PCSK5: variants seen among roughly 807,000 people sequenced by gnomAD.
PCSK5 encodes the protein proprotein convertase subtilisin/kexin type 5.
A neutral mutation model predicts 233.2 loss-of-function variants in PCSK5; 129 were observed. The observed-to-expected ratio is 0.55, with a 90% CI of 0.48 to 0.64. The LOEUF (loss-of-function observed/expected upper bound fraction) is 0.64, where lower values mean the gene tolerates loss of function less well. Among genes scored for constraint, PCSK5 ranks in the 30% least tolerant of loss-of-function variants. PCSK5 has a pLI of 0.00. For missense variants in PCSK5, 2,076 were observed against 2,430.1 expected, an observed-to-expected ratio of 0.85 and a Z score of 3.06; for synonymous variants, 825 against 879.2, an observed-to-expected ratio of 0.94 and a Z score of 1.09.
intron 24 of PCSK5, chr9:76,288,197 CAG>C (rs1828148157): frequency 6.6e-6 from 1 of 152,200 alleles, no homozygotes; most frequent in African/African-American, 2.4e-5. Flanking sequence ...ATTGCTTTGA[CAG>C]TATGTGATTC....
chr9:76,324,125 C>A (rs1310602721), intron 32 of PCSK5, among the ~76,000 whole-genome samples: 2 of 151,788 alleles, frequency 1.3e-5, no homozygotes, highest in African/African-American at 4.8e-5. Context: ...GGGGTTTCAC[C>A]ATGTTGACCA....
chr9:76,297,789 T>C (rs1587846612), intron 27 of PCSK5, among the ~76,000 whole-genome samples: 1 of 151,604 alleles, frequency 6.6e-6, no homozygotes, highest in Non-Finnish European at 1.5e-5. Flanking sequence ...ACAGGAGGAG[T>C]GTGCTAAGGG....
At position 76,308,678 on chromosome 9, in the gene PCSK5, C is replaced by T; in HGVS notation, c.3638C>T (p.Ser1213Phe). Residue 1213 changes from serine to phenylalanine, a missense_variant, in exon 29 of 38, where the codon TCT becomes TTT. Physicochemically the swap from Ser to Phe is radical, Grantham distance 155. Around this residue, in one of 6 missense-constraint regions of PCSK5, gnomAD observed 1,510 missense variants for 1,538.1 expected, o/e 0.98. Transcript: ENST00000674117. ...ILRKLQPCHS[S>F]CKTCNGSATL... Reference sequence around the variant, plus strand: ...AGAAAACTCCAGCCTTGTCATTCTTCTTGTAAAACCTGCAATGGATCTGCA... The same window carrying T: ...AGAAAACTCCAGCCTTGTCATTCTTTTTGTAAAACCTGCAATGGATCTGCA... The T allele has an allele frequency of 6.2e-7, 1 of 1,610,088 alleles. No homozygotes were observed. Among genetic ancestry groups the T allele is most frequent in the Non-Finnish European group, 8.5e-7 (1 of 1,177,410 alleles).
chr9:76,231,083 A>T (rs2131315595), intron 21 of PCSK5, among the ~76,000 whole-genome samples: 1 of 152,230 alleles, frequency 6.6e-6, no homozygotes, highest in South Asian at 2.1e-4. Context: ...ATTTATAAAG[A>T]AAAGAGGTTT....
intron 2 of PCSK5, among the ~76,000 whole-genome samples, chr9:75,950,144 TG>T (rs1313764808): frequency 3.6e-4 from 1 of 2,750 alleles, no homozygotes; most frequent in Non-Finnish European, 7.2e-4. Context: ...TGTGTGTGTG[TG>T]GGGGGGGCGG....
chr9:76,264,670 G>A (rs891485217), intron 24 of PCSK5, among the ~76,000 whole-genome samples: 7 of 152,002 alleles, frequency 4.6e-5, no homozygotes, highest in African/African-American at 1.4e-4. Flanking sequence ...TATCCACATC[G>A]CTAACATCAG....
chr9:76,253,168 T>C (rs1826867207), intron 24 of PCSK5, among the ~76,000 whole-genome samples: 1 of 152,042 alleles, frequency 6.6e-6, no homozygotes, highest in Non-Finnish European at 1.5e-5. Flanking sequence ...CCAACCTTAG[T>C]GCATGACCCA....
At chr9:76,176,804 T>G (rs1358145332) in intron 14 of PCSK5, among the ~76,000 whole-genome samples, 1 of 152,200 alleles carries the variant, frequency 6.6e-6, no homozygotes. Flanking sequence ...TCTCATTAAT[T>G]TATATAGTTT....
rs576210399 is a variant in PCSK5 at position 76,209,601 on chromosome 9, C to T, written c.2627-17902C>T. ...GTGTCACTGCTTTTCGCATCCCTAA[C>T]GTCCAATAGTCAACTTATTTATTTA... On this transcript the variant is annotated intron_variant, in intron 20 of 37. Transcript: ENST00000674117. 1.5e-4 allele frequency: 75 copies of T among 507,016 alleles called. 1 individual carries two copies. The highest frequency in any genetic ancestry group is 8.8e-4 in the South Asian group (61 of 69,222). The allele number at this position is 507,016 out of a possible 1,614,324, so 31.4% of individuals were successfully genotyped here. A position where few individuals can be genotyped will look rare whatever the true frequency, so the allele number is the denominator to read the frequency against.
At chr9:76,053,600 CCA>C (rs770238685) in intron 5 of PCSK5, among the ~76,000 whole-genome samples, 11 of 152,150 alleles carry the variant, frequency 7.2e-5, no homozygotes, top group Non-Finnish European at 1.5e-4. Flanking sequence ...GATGAAAATA[CCA>C]CAGTCTCTTT....
rs1310616255 is a variant in PCSK5, at chr9:76,359,990, G to C, written c.*1068G>C. 12 of 152,206 alleles carry C rather than the reference G, an allele frequency of 7.9e-5. No individual in the cohort carries two copies. The highest frequency in any genetic ancestry group is 1.2e-4 in the African/African-American group (5 of 41,546). 9.4% of individuals were successfully genotyped at this position (152,206 alleles called of 1,614,324 possible). On this transcript the variant is annotated 3_prime_UTR_variant, in exon 38 of 38. Transcript: ENST00000674117. ...TGATTTTTGTTTCTAGACTTCCTAGGCTTCCTTTTTTCCATTCTTCTGTCA... is the reference window on the plus strand; with the variant it reads ...TGATTTTTGTTTCTAGACTTCCTAGCCTTCCTTTTTTCCATTCTTCTGTCA...
At chr9:76,072,159 T>C (rs778267891) in intron 7 of PCSK5, among the ~76,000 whole-genome samples, 2 of 152,230 alleles carry the variant, frequency 1.3e-5, no homozygotes, top group Non-Finnish European at 2.9e-5. Flanking sequence ...AGAAAATATA[T>C]TAATACGTTA....
chr9:75,896,312 A>G (rs1469164169), intron 1 of PCSK5, among the ~76,000 whole-genome samples: 2 of 152,166 alleles, frequency 1.3e-5, no homozygotes, highest in African/African-American at 4.8e-5. Context: ...ATTTGAAGTG[A>G]AAAACTGCAT....
At chr9:75,949,011 A>C (rs1157648417) in intron 2 of PCSK5, among the ~76,000 whole-genome samples, 1 of 151,388 alleles carries the variant, frequency 6.6e-6, no homozygotes, top group Non-Finnish European at 1.5e-5. Context: ...AAACAAAACC[A>C]AAAAACTACT....
At chr9:76,031,915 C>T (rs773069827) in intron 5 of PCSK5, among the ~76,000 whole-genome samples, 17 of 151,936 alleles carry the variant, frequency 1.1e-4, no homozygotes, top group Non-Finnish European at 2.1e-4. Context: ...GGTTTATTTC[C>T]GGAGTTAGAA....
intron 2 of PCSK5, among the ~76,000 whole-genome samples, chr9:75,939,369 A>T (rs960721386): frequency 2.6e-5 from 4 of 152,134 alleles, no homozygotes; most frequent in African/African-American, 9.7e-5. Context: ...TTTCTTTTTG[A>T]CTTGACAACA....
chr9:76,046,155 C>CTTTTTT (rs1829362984), intron 5 of PCSK5, among the ~76,000 whole-genome samples: 12 of 55,708 alleles, frequency 2.2e-4, no homozygotes, highest in South Asian at 6.3e-4. Context: ...ATAATTTTTT[C>CTTTTTT]TTTTGTTTTT....
intron 20 of PCSK5, among the ~76,000 whole-genome samples, chr9:76,219,544 CCTCT>C (rs1209769222): frequency 6.6e-6 from 1 of 152,122 alleles, no homozygotes; most frequent in Non-Finnish European, 1.5e-5. Flanking sequence ...TGCACTAGCA[CCTCT>C]ATGTAGTTCA....
chr9:76,256,409 A>T (rs1331464197), intron 24 of PCSK5, among the ~76,000 whole-genome samples: 4 of 152,232 alleles, frequency 2.6e-5, no homozygotes, highest in African/African-American at 9.6e-5. Context: ...AACCTCGTTA[A>T]ACAAAAGCGG....
Sources: gnomAD v4.1 joint callset for allele counts (sites outside exome capture counted in the v4.1 genomes callset) on GRCh38, gnomAD v4.1.1 for gene constraint, gnomAD v4.1.1 regional missense constraint, MANE v1.5 for transcripts, NCBI Gene and HGNC (gene_info 2026-07-23, HGNC 2026-07-21) for gene names.